The following MACROD2 variants were observed in gnomAD, a reference collection of about 807,000 sequenced individuals.
MACROD2 encodes mono-ADP ribosylhydrolase 2, also known as ADP-ribose glycohydrolase MACROD2.
In MACROD2, 36 loss-of-function variants were observed where a neutral mutation model predicts 70.4. The observed-to-expected ratio is 0.51, with a 90% CI of 0.39 to 0.68. The LOEUF (loss-of-function observed/expected upper bound fraction) is 0.68, where lower values mean the gene tolerates loss of function less well. Ranked by LOEUF, MACROD2 falls within the 30% of genes least tolerant of loss-of-function variation. The pLI, the probability that MACROD2 is intolerant of heterozygous loss-of-function variation, is 0.00. For missense variants in MACROD2, 496 were observed against 538.4 expected (o/e 0.92, Z 0.78); for synonymous variants, 172 against 178.8 (o/e 0.96, Z 0.30).
At chr20:14,485,287 G>C (rs1368477893) in intron 3 of MACROD2, among the ~76,000 whole-genome samples, 1 of 152,138 alleles carries the variant, frequency 6.6e-6, no homozygotes, top group East Asian at 1.9e-4. Flanking sequence ...GAATCTCATA[G>C]GGCGTTACAT....
chr20:15,950,353 A>G (rs557451477), intron 12 of MACROD2, among the ~76,000 whole-genome samples: 123 of 152,332 alleles, frequency 8.1e-4, no homozygotes, highest in Non-Finnish European at 1.5e-3. Flanking sequence ...TTCTGACAGC[A>G]GCAGGACTCT....
chr20:14,812,160 A>G (rs2072721971), intron 5 of MACROD2, among the ~76,000 whole-genome samples: 7 of 152,094 alleles, frequency 4.6e-5, no homozygotes, highest in Admixed American at 4.6e-4. Context: ...CACAATTGCA[A>G]AGGCTTGGAA....
At chr20:15,084,072 GT>G (rs75128227) in intron 5 of MACROD2, among the ~76,000 whole-genome samples, 7 of 31,768 alleles carry the variant, frequency 2.2e-4, no homozygotes, top group Non-Finnish European at 3.0e-4. Context: ...TTTTTTTTTT[GT>G]TTTTTTTTTT....
At chr20:14,927,571 T>TCA (rs1240665898) in intron 5 of MACROD2, among the ~76,000 whole-genome samples, 1 of 152,222 alleles carries the variant, frequency 6.6e-6, no homozygotes, top group African/African-American at 2.4e-5. Context: ...CCTTCAACAT[T>TCA]CACACATTTG....
intron 5 of MACROD2, among the ~76,000 whole-genome samples, chr20:15,173,622 T>G (rs2076438639): frequency 6.7e-6 from 1 of 149,874 alleles, no homozygotes; most frequent in Non-Finnish European, 1.5e-5. Flanking sequence ...TTTCAAGCTG[T>G]GTTTTAATTC....
intron 5 of MACROD2, among the ~76,000 whole-genome samples, chr20:14,910,159 A>T (rs1475479907): frequency 6.6e-6 from 1 of 152,212 alleles, no homozygotes; most frequent in African/African-American, 2.4e-5. Flanking sequence ...TATAGGCCAC[A>T]AACTGTTCAT....
At chr20:14,614,377 T>C (rs981134855) in intron 4 of MACROD2, among the ~76,000 whole-genome samples, 4 of 152,000 alleles carry the variant, frequency 2.6e-5, no homozygotes, top group Admixed American at 2.6e-4. Context: ...ACCTGGGGAG[T>C]TGGTGCTCAC....
At chr20:15,622,974 T>C (rs1457582002) in intron 8 of MACROD2, among the ~76,000 whole-genome samples, 1 of 152,214 alleles carries the variant, frequency 6.6e-6, no homozygotes, top group East Asian at 1.9e-4. Flanking sequence ...TTGGAACATA[T>C]CCTTCACAGA....
At chr20:14,330,646 G>C (rs985377297) in intron 3 of MACROD2, among the ~76,000 whole-genome samples, 1 of 152,008 alleles carries the variant, frequency 6.6e-6, no homozygotes. Context: ...TATTATTTAC[G>C]CAACTTGAAA....
intron 3 of MACROD2, among the ~76,000 whole-genome samples, chr20:14,250,702 G>A (rs886147865): frequency 1.3e-5 from 2 of 152,090 alleles, no homozygotes; most frequent in African/African-American, 2.4e-5. Flanking sequence ...CTTAGTATAT[G>A]TAATTTATTT....
chr20:15,127,697 A>G (rs1004582452), intron 5 of MACROD2, among the ~76,000 whole-genome samples: 5 of 152,072 alleles, frequency 3.3e-5, no homozygotes, highest in African/African-American at 1.2e-4. Context: ...AGGGAGGTGG[A>G]TGGGAGAGGG....
chr20:14,366,533 A>AT lies in MACROD2; in HGVS notation c.272-126938dup, dbSNP rs958424806. Among the ~76,000 whole-genome samples the AT allele has an allele frequency of 4.6e-4, 70 of 151,664 alleles. 1 individual carries two copies. The highest frequency in any genetic ancestry group is 1.6e-3 in the African/African-American group (68 of 41,394). The stretch of plus-strand genomic sequence containing the variant: ...AGGCACGCACCACCACACCCGGCTA[A>AT]TTTTTTTTATTTTAGTAGAGATGGG... On this transcript the variant is annotated intron_variant, in intron 3 of 17. Coordinates refer to ENST00000684519, the MANE Select transcript of MACROD2 (RefSeq NM_001351661.2).
At chr20:15,490,846 A>G (rs1187183901) in intron 7 of MACROD2, among the ~76,000 whole-genome samples, 1 of 152,220 alleles carries the variant, frequency 6.6e-6, no homozygotes, top group Non-Finnish European at 1.5e-5. Context: ...GCAAGGAGCC[A>G]GCAAGTCTAG....
At chr20:15,257,765 A>G (rs55990401) in intron 6 of MACROD2, among the ~76,000 whole-genome samples, 69,696 of 151,938 alleles carry the variant, frequency 0.46, 18,003 homozygotes, top group African/African-American at 0.69. Context: ...CGAATTTGCT[A>G]TACTTCTTAT....
intron 4 of MACROD2, among the ~76,000 whole-genome samples, chr20:14,599,330 T>G (rs1600437475): frequency 2.6e-5 from 4 of 151,882 alleles, no homozygotes; most frequent in Non-Finnish European, 4.4e-5. Flanking sequence ...AGTGGGGAGT[T>G]AGCTTTTGGT....
chr20:15,729,632 T>G (rs1430251141), intron 8 of MACROD2, among the ~76,000 whole-genome samples: 1 of 152,070 alleles, frequency 6.6e-6, no homozygotes, highest in Non-Finnish European at 1.5e-5. Context: ...TCGTTGTTTA[T>G]TTTAATGTAG....
intron 5 of MACROD2, among the ~76,000 whole-genome samples, chr20:15,222,517 T>G (rs924127323): frequency 2.2e-4 from 34 of 152,278 alleles, no homozygotes; most frequent in African/African-American, 8.2e-4. Context: ...TAGTGCTCAG[T>G]TTTGTGGTTG....
chr20:15,500,450 A>G (rs1032440035), intron 8 of MACROD2, among the ~76,000 whole-genome samples: 7 of 152,222 alleles, frequency 4.6e-5, no homozygotes, highest in Admixed American at 1.3e-4. Flanking sequence ...GGAATTACTC[A>G]AGTAAACAAA....
intron 5 of MACROD2, among the ~76,000 whole-genome samples, chr20:15,045,350 G>C (rs935645354): frequency 2.0e-5 from 3 of 152,176 alleles, no homozygotes; most frequent in African/African-American, 4.8e-5. Flanking sequence ...ACCTCTGTGA[G>C]AGTGTTCTGA....
Sources: allele counts gnomAD v4.1 joint callset (sites outside exome capture counted in the v4.1 genomes callset), GRCh38; gene constraint gnomAD v4.1.1; transcripts MANE v1.5; gene names NCBI Gene and HGNC (gene_info 2026-07-23, HGNC 2026-07-21).